NRXN3: variants seen among roughly 807,000 people sequenced by gnomAD.
The protein encoded by NRXN3 is neurexin III.
Under a neutral mutation model 137.6 loss-of-function variants are expected in NRXN3, and 32 were observed. The observed-to-expected ratio is 0.23, with a 90% CI of 0.18 to 0.31. The LOEUF is 0.31. NRXN3 is among the 10% of genes least tolerant of loss of function. NRXN3 has a pLI of 1.00. For missense variants in NRXN3, 1,574 were observed against 2,062.5 expected (o/e 0.76, Z 4.59); for synonymous variants, 798 against 784.5 (o/e 1.02, Z -0.29).
chr14:78,464,307 C>T (rs1236579155), intron 4 of NRXN3, among the ~76,000 whole-genome samples: 1 of 152,148 alleles, frequency 6.6e-6, no homozygotes, highest in African/African-American at 2.4e-5. Flanking sequence ...CCGCCTGTCT[C>T]GGCCTTCCAA....
At chr14:79,716,472 G>A (rs17836306) in intron 19 of NRXN3, among the ~76,000 whole-genome samples, 2,631 of 152,232 alleles carry the variant, frequency 0.017, 24 homozygotes, top group African/African-American at 0.025. Flanking sequence ...ACAGCCTTCT[G>A]GTATTTCACT....
rs571580209 is a variant in NRXN3 at position 78,613,439 on chromosome 14, G to A, written c.758-31681G>A. Among the ~76,000 whole-genome samples the A allele has an allele frequency of 1.1e-4, 16 of 152,172 alleles. No homozygotes were observed. In the East Asian group the frequency reaches 2.9e-3, roughly 28 times the overall value. The stretch of plus-strand genomic sequence containing the variant: ...ATCTCATTTTTATTCATTATTCAAA[G>A]AAATGTAAGAAAATAATAAGCCCTT... On this transcript the variant is annotated intron_variant, in intron 4 of 20. Coordinates refer to ENST00000335750, the MANE Select transcript of NRXN3 (RefSeq NM_001330195.2).
intron 3 of NRXN3, among the ~76,000 whole-genome samples, chr14:78,295,595 G>A (rs2076231517): frequency 6.6e-6 from 1 of 152,008 alleles, no homozygotes; most frequent in South Asian, 2.1e-4. Flanking sequence ...ACTCTAAAGG[G>A]GTAGCTCTCA....
At chr14:79,117,062 T>C (rs2054570166) in intron 15 of NRXN3, among the ~76,000 whole-genome samples, 1 of 152,198 alleles carries the variant, frequency 6.6e-6, no homozygotes, top group African/African-American at 2.4e-5. Flanking sequence ...AAAAAAATAT[T>C]CTGTTTGTTC....
Position 79,325,991 on chromosome 14 carries a change from T to C in NRXN3, c.3263-141230T>C, listed in dbSNP as rs546873591. Among the ~76,000 whole-genome samples the C allele has an allele frequency of 2.0e-5, 3 of 152,308 alleles. No individual in the cohort carries two copies. In the East Asian group the frequency reaches 5.8e-4, roughly 29 times the overall value. On this transcript the variant is annotated intron_variant, in intron 15 of 20. Coordinates refer to ENST00000335750, the MANE Select transcript of NRXN3 (RefSeq NM_001330195.2). ...AAGGGTCTGCGGGTGCCCTCTACCA[T>C]TGTGGTTTCAATGTCTAAATCTTCT... is the stretch of plus-strand genomic sequence containing the variant.
intron 15 of NRXN3, among the ~76,000 whole-genome samples, chr14:79,255,008 C>T (rs569718659): frequency 1.4e-4 from 21 of 152,268 alleles, no homozygotes; most frequent in African/African-American, 3.8e-4. Flanking sequence ...CTTGGAAGGG[C>T]GGTGTTGATT....
At chr14:79,475,607 C>T (rs976340613) in intron 16 of NRXN3, among the ~76,000 whole-genome samples, 5 of 152,072 alleles carry the variant, frequency 3.3e-5, no homozygotes, top group Non-Finnish European at 7.4e-5. Flanking sequence ...GTTTTCTACT[C>T]ATTATGAGGT....
chr14:78,182,160 T>C (rs1318177056), intron 1 of NRXN3, among the ~76,000 whole-genome samples: 1 of 152,160 alleles, frequency 6.6e-6, no homozygotes, highest in Non-Finnish European at 1.5e-5. Context: ...ACTCACCGTC[T>C]GCAGGCCCTG....
intron 4 of NRXN3, among the ~76,000 whole-genome samples, chr14:78,324,579 G>A (rs1181434158): frequency 6.6e-6 from 1 of 152,122 alleles, no homozygotes; most frequent in Non-Finnish European, 1.5e-5. Flanking sequence ...GAAATTTACA[G>A]AGACAGTTAA....
intron 16 of NRXN3, among the ~76,000 whole-genome samples, chr14:79,636,144 C>T (rs150508242): frequency 1.6e-3 from 239 of 152,256 alleles, no homozygotes; most frequent in Non-Finnish European, 2.4e-3. Flanking sequence ...ACATTATATT[C>T]GTTTGATTAC....
At chr14:79,255,219 T>C (rs553995783) in intron 15 of NRXN3, among the ~76,000 whole-genome samples, 2 of 152,354 alleles carry the variant, frequency 1.3e-5, no homozygotes, top group African/African-American at 4.8e-5. Flanking sequence ...CCAGGCCATC[T>C]GGTTCCACTG....
chr14:78,939,591 T>C (rs927990430), intron 10 of NRXN3, among the ~76,000 whole-genome samples: 1 of 152,192 alleles, frequency 6.6e-6, no homozygotes. Flanking sequence ...TATCTGGCCA[T>C]AGCTATCACT....
intron 15 of NRXN3, among the ~76,000 whole-genome samples, chr14:79,012,093 A>G (rs2152400818): frequency 6.6e-6 from 1 of 152,336 alleles, no homozygotes; most frequent in African/African-American, 2.4e-5. Context: ...AGAAAAATTC[A>G]CTAAATGGCT....
chr14:78,844,684 C>T (rs2099021652), intron 10 of NRXN3, among the ~76,000 whole-genome samples: 1 of 152,012 alleles, frequency 6.6e-6, no homozygotes, highest in Admixed American at 6.6e-5. Context: ...AGATTTTAAA[C>T]TACTTTAAAG....
chr14:78,692,472 G>T (rs769584740), intron 6 of NRXN3, among the ~76,000 whole-genome samples: 1 of 152,176 alleles, frequency 6.6e-6, no homozygotes, highest in Non-Finnish European at 1.5e-5. Flanking sequence ...GGTTTTGTTT[G>T]CAATTATAGG....
intron 16 of NRXN3, among the ~76,000 whole-genome samples, chr14:79,663,126 G>A (rs990900499): frequency 3.3e-5 from 5 of 152,058 alleles, no homozygotes; most frequent in African/African-American, 1.2e-4. Flanking sequence ...TACAAGTTGG[G>A]AAGCATGGCA....
intron 4 of NRXN3, among the ~76,000 whole-genome samples, chr14:78,608,545 G>C (rs544481975): frequency 6.6e-6 from 1 of 152,322 alleles, no homozygotes; most frequent in South Asian, 2.1e-4. Context: ...GGTACAGGGT[G>C]TAGTACCAAC....
At chr14:78,419,292 A>G (rs1598437389) in intron 4 of NRXN3, among the ~76,000 whole-genome samples, 2 of 152,008 alleles carry the variant, frequency 1.3e-5, no homozygotes, top group African/African-American at 4.8e-5. Flanking sequence ...AGGCTGGAGT[A>G]CAGTGGTGTG....
At chr14:78,242,152 G>A (rs2067160786) in intron 1 of NRXN3, among the ~76,000 whole-genome samples, 1 of 152,128 alleles carries the variant, frequency 6.6e-6, no homozygotes, top group Non-Finnish European at 1.5e-5. Context: ...TGGCTTTGGG[G>A]ATTTTTATTA....
Sources: allele counts gnomAD v4.1 joint callset (sites outside exome capture counted in the v4.1 genomes callset), GRCh38; gene constraint gnomAD v4.1.1; transcripts MANE v1.5; gene names NCBI Gene and HGNC (gene_info 2026-07-23, HGNC 2026-07-21).